Variants in RFX1 observed in about 807,000 individuals in gnomAD.
RFX1 encodes regulatory factor X1.
A neutral mutation model predicts 119.6 loss-of-function variants in RFX1; 42 were observed. That is an observed-to-expected ratio of 0.35 (90% confidence interval 0.27 to 0.45). The LOEUF (loss-of-function observed/expected upper bound fraction) is 0.45, where lower values mean the gene tolerates loss of function less well. Among genes scored for constraint, RFX1 ranks in the 20% least tolerant of loss-of-function variants. RFX1 has a pLI of 1.00. For missense variants in RFX1, 1,118 were observed against 1,368.1 expected (o/e 0.82, Z 2.88); for synonymous variants, 628 against 618.5 (o/e 1.02, Z -0.23).
At chr19:13,979,231 A>G (rs1226102164) in intron 7 of RFX1, among the ~76,000 whole-genome samples, 1 of 152,198 alleles carries the variant, frequency 6.6e-6, no homozygotes, top group African/African-American at 2.4e-5. Context: ...GAACTGACCC[A>G]GGGCCACGCA....
At chr19:13,979,947 G>T (rs1490746129) in intron 6 of RFX1, among the ~76,000 whole-genome samples, 1 of 152,170 alleles carries the variant, frequency 6.6e-6, no homozygotes, top group African/African-American at 2.4e-5. Flanking sequence ...GCGGAGGAGG[G>T]TGCTGAGTGG....
At chr19:13,994,807 A>G (rs1235115919) in intron 1 of RFX1, among the ~76,000 whole-genome samples, 1 of 146,700 alleles carries the variant, frequency 6.8e-6, no homozygotes, top group East Asian at 2.0e-4. Context: ...ATATACATAT[A>G]TAGTATATAT....
rs1184903999 is a variant in RFX1, at chr19:13,983,251, C to T, written c.449G>A (p.Ser150Asn). 4 of 1,566,594 alleles carry T rather than the reference C, an allele frequency of 2.6e-6. No individual in the cohort carries two copies. Among genetic ancestry groups the T allele is most frequent in the Non-Finnish European group, 2.6e-6 (3 of 1,160,894 alleles). ...CACGTGGCCTGGCTTGGCCTGCACG[C>T]TCGTCTGGACCAGCAGCCGCTGTGG... ...GTQQRLLVQTSVQAKPGHVSP... is the reference protein window; with the variant it reads ...GTQQRLLVQTNVQAKPGHVSP... The change falls in exon 4 of 21, where the codon AGC becomes AAC. Residue 150 changes from serine (S) to asparagine (N), a missense_variant. By Grantham distance (46) the Ser-to-Asn change is conservative. Transcript: ENST00000254325.
chr19:13,975,126 C>T (rs1342545494), intron 8 of RFX1, among the ~76,000 whole-genome samples: 3 of 150,940 alleles, frequency 2.0e-5, no homozygotes, highest in African/African-American at 7.3e-5. Flanking sequence ...GAGGCCAAGG[C>T]GGGTGGATCA....
intron 2 of RFX1, among the ~76,000 whole-genome samples, chr19:13,984,942 C>G (rs189805651): frequency 1.4e-4 from 21 of 152,242 alleles, no homozygotes; most frequent in Non-Finnish European, 2.6e-4. Context: ...TCACTGCAAC[C>G]TCTGTCCCCT....
At chr19:13,977,912 C>G (rs759758107) in intron 8 of RFX1, 80 bp downstream of exon 8, 132 of 1,113,056 alleles carry the variant, frequency 1.2e-4, no homozygotes, top group Middle Eastern at 2.0e-4. Flanking sequence ...GGGGCTGGGA[C>G]TGGGGACTGG....
intron 5 of RFX1, among the ~76,000 whole-genome samples, chr19:13,981,152 G>C (rs565515345): frequency 6.6e-6 from 1 of 152,254 alleles, no homozygotes; most frequent in Non-Finnish European, 1.5e-5. Context: ...GGCTGCAGGC[G>C]ATGAGGCACA....
Position 13,968,993 on chromosome 19 carries a change from A to C in RFX1, c.1497-99T>G. On this transcript the variant is annotated intron_variant, in intron 10 of 20. Coordinates refer to ENST00000254325, the MANE Select transcript of RFX1 (RefSeq NM_002918.5). This position sits in a 1 kb window ranked among gnomAD's most constrained non-coding sequence, Gnocchi z 5.5. Reference sequence around the variant, plus strand: ...CACCCGTCTCCTCTCTGTTAGGAGAATGGATAGAGAGACGCCTGCCCTGCA... The same window carrying C: ...CACCCGTCTCCTCTCTGTTAGGAGACTGGATAGAGAGACGCCTGCCCTGCA... 2 of 1,325,886 alleles carry C rather than the reference A, an allele frequency of 1.5e-6. No individual in the cohort carries two copies. The highest frequency in any genetic ancestry group is 2.1e-6 in the Non-Finnish European group (2 of 974,944). The allele number at this position is 1,325,886 out of a possible 1,614,324, so 82.1% of individuals were successfully genotyped here.
intron 2 of RFX1, among the ~76,000 whole-genome samples, chr19:13,987,555 G>A (rs1320125097): frequency 6.6e-6 from 1 of 152,084 alleles, no homozygotes; most frequent in African/African-American, 2.4e-5. Flanking sequence ...CTGCTTCCCC[G>A]GCGCTCACGT....
rs1392968332 is a variant in RFX1, at chr19:13,968,540, G to A, written c.1732+25C>T. ...ACGGGGCAGGGAGGCGGTGGTTGGG[G>A]AAGCACGGGCCAGGGAGCTCTCACC... On this transcript the variant is annotated intron_variant, in intron 12 of 20. Coordinates refer to ENST00000254325, the MANE Select transcript of RFX1 (RefSeq NM_002918.5). The surrounding 1 kb of genome is among the most constrained non-coding windows in gnomAD (Gnocchi z 5.5). The A allele has an allele frequency of 6.3e-7, 1 of 1,575,460 alleles. No homozygotes were observed.
intron 1 of RFX1, among the ~76,000 whole-genome samples, 199 bp from the exon 2 acceptor site, chr19:13,994,094 G>A (rs1974905406): frequency 6.6e-6 from 1 of 151,986 alleles, no homozygotes; most frequent in South Asian, 2.1e-4. Flanking sequence ...GGGACCAGCT[G>A]TAGACCAGGG....
In RFX1 at chr19:13,968,424, C is replaced by T; in HGVS notation, c.1732+141G>A. 1 of 681,444 alleles carries T rather than the reference C, an allele frequency of 1.5e-6. No homozygotes were observed. The highest frequency in any genetic ancestry group is 2.7e-6 in the Non-Finnish European group (1 of 376,752). The allele number at this position is 681,444 out of a possible 1,614,324, so 42.2% of individuals were successfully genotyped here. Reference sequence around the variant, plus strand: ...CTGTGGACGGAGACTGTGATGTCTCCCCCACCCCCTGCTGGTTCTCGGGCA... The same window carrying T: ...CTGTGGACGGAGACTGTGATGTCTCTCCCACCCCCTGCTGGTTCTCGGGCA... On this transcript the variant is annotated intron_variant, in intron 12 of 20. Transcript: ENST00000254325. The surrounding 1 kb of genome is among the most constrained non-coding windows in gnomAD (Gnocchi z 5.5).
At position 13,989,535 on chromosome 19, in the gene RFX1, T is replaced by TAGAG. The variant is rs57906004; in HGVS notation, c.319+3986_319+3989dup. ...ACGGCGCCCACCACCACACCCAGCT[T>TAGAG]AGAGAGAGAGAGAGAGAGACAGACA... On this transcript the variant is annotated intron_variant, in intron 2 of 20. Transcript: ENST00000254325. 5.7e-3 allele frequency among the ~76,000 whole-genome samples: 831 copies of TAGAG among 146,528 alleles called. 7 individuals carry two copies. Among genetic ancestry groups the TAGAG allele is most frequent in the Non-Finnish European group, 0.01 (676 of 65,662 alleles).
rs79500544 is a variant in RFX1, at chr19:13,969,230, C to T, written c.1497-336G>A. ...AGAGAGGGGCGGGTTCTTGGGATGCCTTCTTGTTCCTTCCCGCATGAATTT... is the reference window on the plus strand; with the variant it reads ...AGAGAGGGGCGGGTTCTTGGGATGCTTTCTTGTTCCTTCCCGCATGAATTT... On this transcript the variant is annotated intron_variant, in intron 10 of 20. Transcript: ENST00000254325. The surrounding 1 kb of genome is among the most constrained non-coding windows in gnomAD (Gnocchi z 4.5). 0.025 allele frequency among the ~76,000 whole-genome samples: 3,730 copies of T among 152,218 alleles called. 152 individuals carry two copies. Among genetic ancestry groups the T allele is most frequent in the African/African-American group, 0.086 (3,553 of 41,516 alleles).
chr19:13,977,305 CA>C (rs955866585), intron 8 of RFX1, among the ~76,000 whole-genome samples: 5 of 144,842 alleles, frequency 3.5e-5, no homozygotes, highest in Admixed American at 6.9e-5. Flanking sequence ...AAAAAAAAAA[CA>C]AAAAAAAAGA....
intron 4 of RFX1, 57 bp downstream of exon 4, chr19:13,983,129 GT>G (rs772079230): frequency 5.3e-5 from 69 of 1,298,372 alleles, no homozygotes; most frequent in Non-Finnish European, 7.1e-5. Flanking sequence ...GCCACAGGGG[GT>G]TGGTCCTCCA....
chr19:13,971,756 T>A (rs1974087318), intron 9 of RFX1, among the ~76,000 whole-genome samples: 1 of 152,026 alleles, frequency 6.6e-6, no homozygotes, highest in Non-Finnish European at 1.5e-5. Flanking sequence ...ACGTCTGTAA[T>A]CCCAGCACTT....
chr19:14,004,134 AG>A (rs1414439449), intron 1 of RFX1, among the ~76,000 whole-genome samples: 2 of 152,034 alleles, frequency 1.3e-5, no homozygotes, highest in East Asian at 3.9e-4. Context: ...TCCTGACCTC[AG>A]GTGATCCGCC....
intron 9 of RFX1, 122 bp from the exon 10 acceptor site, chr19:13,970,297 T>C: frequency 1.8e-5 from 13 of 740,572 alleles, no homozygotes. Flanking sequence ...CCACATAAGT[T>C]AGCACATCCT....
Sources: allele counts gnomAD v4.1 joint callset (sites outside exome capture counted in the v4.1 genomes callset), GRCh38; gene constraint gnomAD v4.1.1; non-coding constraint Gnocchi (gnomAD v3.1); transcripts MANE v1.5; gene names NCBI Gene and HGNC (gene_info 2026-07-23, HGNC 2026-07-21).